ATP8A2: variants seen among roughly 807,000 people sequenced by gnomAD.
ATP8A2 encodes the protein phospholipid-transporting ATPase IB.
ATP8A2 carries 100 observed loss-of-function variants against 165.6 expected under a neutral mutation model. The ratio of observed to expected loss-of-function variants is 0.60; its 90% confidence interval spans 0.51 to 0.71. The LOEUF is 0.71. Among genes scored for constraint, ATP8A2 ranks in the 30% least tolerant of loss-of-function variants. The pLI is 0.00. For synonymous variants in ATP8A2, 543 were observed against 548.8 expected, an observed-to-expected ratio of 0.99 and a Z score of 0.15; for missense variants, 1,227 against 1,479.5, an observed-to-expected ratio of 0.83 and a Z score of 2.80.
intron 24 of ATP8A2, chr13:25,591,244 C>G (rs1340193156): frequency 4.4e-6 from 2 of 456,396 alleles, no homozygotes; most frequent in Non-Finnish European, 8.8e-6. Context: ...TCACCACTAT[C>G]CATCCACAGA....
chr13:26,014,260 C>T (rs1285923910), intron 36 of ATP8A2, among the ~76,000 whole-genome samples: 2 of 152,154 alleles, frequency 1.3e-5, no homozygotes, highest in Non-Finnish European at 2.9e-5. Flanking sequence ...CAGTGTAGGT[C>T]CTGCCACCCA....
At chr13:25,779,523 C>T (rs1220780753) in intron 27 of ATP8A2, among the ~76,000 whole-genome samples, 1 of 152,078 alleles carries the variant, frequency 6.6e-6, no homozygotes, top group African/African-American at 2.4e-5. Flanking sequence ...CAGGGAAGGG[C>T]ATCTGAATGG....
chr13:25,610,722 C>T (rs1351958765), intron 24 of ATP8A2, among the ~76,000 whole-genome samples: 4 of 150,684 alleles, frequency 2.7e-5, no homozygotes, highest in South Asian at 4.2e-4. Context: ...CATTTCCATT[C>T]GTGGGATGTA....
rs568859263 is a variant in ATP8A2, at chr13:25,438,651, G to GA, written c.77-30317dup. Among the ~76,000 whole-genome samples the GA allele has an allele frequency of 4.0e-4, 59 of 145,800 alleles. 3 individuals are homozygous for GA. In the South Asian group the frequency reaches 5.8e-3, roughly 14 times the overall value. On this transcript the variant is annotated intron_variant, in intron 1 of 36. Coordinates refer to ENST00000381655, the MANE Select transcript of ATP8A2 (RefSeq NM_016529.6). ...GCAAGATCCTGTCTCCAAAAGAAAA[G>GA]AAAAAAAAAGAGAGAGATAAGAAAA...
Position 25,382,563 on chromosome 13 carries a change from A to G in ATP8A2, c.76+10275A>G, listed in dbSNP as rs150428678. ...TGCATCCCCACCAGCAATGAATGAG[A>G]GTTCCTATTGCTCCATATCCTCACC... On this transcript the variant is annotated intron_variant, in intron 1 of 36. Coordinates refer to ENST00000381655, the MANE Select transcript of ATP8A2 (RefSeq NM_016529.6). 7.9e-3 allele frequency among the ~76,000 whole-genome samples: 1,198 copies of G among 152,286 alleles called. 16 individuals are homozygous for G. Among genetic ancestry groups the G allele is most frequent in the African/African-American group, 0.027 (1,142 of 41,562 alleles).
rs1237843630 is a variant in ATP8A2, at chr13:25,531,363, GAT to G, written c.420+712_420+713del. On this transcript the variant is annotated intron_variant, in intron 4 of 36. Coordinates refer to ENST00000381655, the MANE Select transcript of ATP8A2 (RefSeq NM_016529.6). ...TATATATGATATATATGTTATATAT[GAT>G]ATATATATGTTATATATATGATATA... Among the ~76,000 whole-genome samples the G allele has an allele frequency of 4.1e-3, 485 of 117,866 alleles. 8 individuals carry two copies. Among genetic ancestry groups the G allele is most frequent in the Middle Eastern group, 8.3e-3 (2 of 240 alleles). The allele number at this position is 117,866 out of a possible 152,430, so 77.3% of individuals were successfully genotyped here. A position where few individuals can be genotyped will look rare whatever the true frequency, so the allele number is the denominator to read the frequency against.
rs748331144 is a variant in ATP8A2, at chr13:25,570,775, C to A, written c.1482C>A (p.Ala494=). 3.1e-6 allele frequency: 5 copies of A among 1,613,452 alleles called. No individual in the cohort carries two copies. In the East Asian group the frequency reaches 6.7e-5, roughly 22 times the overall value. Residue 494 remains alanine (A), a synonymous_variant, in exon 17 of 37, where the codon GCC becomes GCA. Coordinates refer to ENST00000381655, the MANE Select transcript of ATP8A2 (RefSeq NM_016529.6). ...LKNIEDRHPT[A]PCIQEFLTLL... is the part of the protein sequence containing the mutation. Reference sequence around the variant, plus strand: ...CCGCCTCACGTTTGCAGCCCACAGCCCCTTGCATTCAGGAGTTCCTCACCC... The same window carrying A: ...CCGCCTCACGTTTGCAGCCCACAGCACCTTGCATTCAGGAGTTCCTCACCC...
At chr13:25,804,479 A>G (rs926913746) in intron 27 of ATP8A2, among the ~76,000 whole-genome samples, 4 of 152,214 alleles carry the variant, frequency 2.6e-5, no homozygotes, top group African/African-American at 7.2e-5. Context: ...GTAGCTTTAT[A>G]AGTATATTAA....
At position 25,595,008 on chromosome 13, in the gene ATP8A2, G is replaced by A. The variant is rs566098361; in HGVS notation, c.2211+5309G>A. The stretch of plus-strand genomic sequence containing the variant: ...TGTATATATATATATATATATATAT[G>A]TATGTATGCGTATATGTATATGTAT... On this transcript the variant is annotated intron_variant, in intron 24 of 36. Coordinates refer to ENST00000381655, the MANE Select transcript of ATP8A2 (RefSeq NM_016529.6). 6.0e-4 allele frequency among the ~76,000 whole-genome samples: 74 copies of A among 123,418 alleles called. No homozygotes were observed. The South Asian group carries it at 0.017, about 28-fold the overall frequency. The allele number at this position is 123,418 out of a possible 152,430, so 81.0% of individuals were successfully genotyped here. A position where few individuals can be genotyped will look rare whatever the true frequency, so the allele number is the denominator to read the frequency against.
At position 25,555,050 on chromosome 13, in the gene ATP8A2, T is replaced by C. The variant is rs2038940822; in HGVS notation, c.1245T>C (p.Leu415=). The C allele has an allele frequency of 2.5e-6, 4 of 1,612,524 alleles. No homozygotes were observed. The East Asian group carries it at 8.9e-5, about 36-fold the overall frequency. The stretch of plus-strand genomic sequence containing the variant: ...CTGCCATGGCCAGGACATCAAACCT[T>C]AATGAAGAGCTTGGGCAGGTGAAAA... ...DTPAMARTSN[L]NEELGQVKYL... is the part of the protein sequence containing the mutation. Residue 415 remains leucine (L), a synonymous_variant, in exon 13 of 37, where the codon CTT becomes CTC. Coordinates refer to ENST00000381655, the MANE Select transcript of ATP8A2 (RefSeq NM_016529.6).
intron 30 of ATP8A2, among the ~76,000 whole-genome samples, chr13:25,847,486 C>CT (rs1951893530): frequency 6.6e-6 from 1 of 152,176 alleles, no homozygotes; most frequent in Non-Finnish European, 1.5e-5. Flanking sequence ...TTCAATGTCT[C>CT]TTTTAATAAA....
chr13:25,892,504 C>CTCTCT (rs1593514953), intron 33 of ATP8A2, among the ~76,000 whole-genome samples: 9 of 149,196 alleles, frequency 6.0e-5, no homozygotes, highest in African/African-American at 2.3e-4. Context: ...CTCTCTCTCT[C>CTCTCT]CTTCCACCTG....
intron 27 of ATP8A2, among the ~76,000 whole-genome samples, chr13:25,826,212 C>G (rs935446191): frequency 6.6e-6 from 1 of 151,966 alleles, no homozygotes; most frequent in African/African-American, 2.4e-5. Flanking sequence ...TAAATACATA[C>G]AGTTATAAAG....
At position 25,903,006 on chromosome 13, in the gene ATP8A2, TAGA is replaced by T. The variant is rs769940355; in HGVS notation, c.3183+40599_3183+40601del. Among the ~76,000 whole-genome samples, 573 of 149,822 alleles carry T rather than the reference TAGA, an allele frequency of 3.8e-3. 1 individual carries two copies. The highest frequency in any genetic ancestry group is 6.9e-3 in the Non-Finnish European group (469 of 67,574). On this transcript the variant is annotated intron_variant, in intron 33 of 36. Coordinates refer to ENST00000381655, the MANE Select transcript of ATP8A2 (RefSeq NM_016529.6). ...ACATGGCAGGGGTTGGGGCACAAAGTAGATAAAAACTCCTGTCTCGAATCACTT... is the reference window on the plus strand; with the variant it reads ...ACATGGCAGGGGTTGGGGCACAAAGTTAAAAACTCCTGTCTCGAATCACTT...
intron 35 of ATP8A2, among the ~76,000 whole-genome samples, chr13:25,985,005 G>A (rs1375496206): frequency 6.6e-6 from 1 of 152,218 alleles, no homozygotes; most frequent in Admixed American, 6.5e-5. Context: ...CTTTTGAGGA[G>A]AAATGAAAAG....
chr13:25,961,489 T>G (rs1955659044), intron 33 of ATP8A2, 86 bp from the exon 34 acceptor site: 2 of 1,142,336 alleles, frequency 1.8e-6, no homozygotes, highest in African/African-American at 3.1e-5. Context: ...GTTTTTGTGT[T>G]GTGAAATATT....
At chr13:25,496,303 C>A (rs1325863069) in intron 2 of ATP8A2, among the ~76,000 whole-genome samples, 1 of 152,010 alleles carries the variant, frequency 6.6e-6, no homozygotes, top group African/African-American at 2.4e-5. Flanking sequence ...AGTCTCACAC[C>A]CCTGGCTCAT....
At chr13:25,839,257 T>G (rs1038637132) in intron 29 of ATP8A2, among the ~76,000 whole-genome samples, 4 of 152,156 alleles carry the variant, frequency 2.6e-5, no homozygotes, top group South Asian at 4.1e-4. Flanking sequence ...CTGATCAGAG[T>G]GAATTTTTCA....
At chr13:25,786,773 T>TTC (rs2045038585) in intron 27 of ATP8A2, among the ~76,000 whole-genome samples, 1 of 150,688 alleles carries the variant, frequency 6.6e-6, no homozygotes, top group Non-Finnish European at 1.5e-5. Context: ...TTTTTTTTTT[T>TTC]GAGACAGAGT....
Sources: gnomAD v4.1 joint callset for allele counts (sites outside exome capture counted in the v4.1 genomes callset) on GRCh38, gnomAD v4.1.1 for gene constraint, MANE v1.5 for transcripts, NCBI Gene and HGNC (gene_info 2026-07-23, HGNC 2026-07-21) for gene names.